The following HS3ST3B1 variants were observed in gnomAD, a reference collection of about 807,000 sequenced individuals.
The protein encoded by HS3ST3B1 is heparan sulfate glucosamine 3-O-sulfotransferase 3B1.
A neutral mutation model predicts 21.3 loss-of-function variants in HS3ST3B1; 13 were observed. That is an observed-to-expected ratio of 0.61 (90% CI 0.40 to 0.97). HS3ST3B1 has a LOEUF of 0.97. Among genes scored for constraint, HS3ST3B1 ranks in the 50% least tolerant of loss-of-function variants. HS3ST3B1 has a pLI of 0.00. For synonymous variants in HS3ST3B1, 234 were observed against 254.8 expected (o/e 0.92, Z 0.78); for missense variants, 459 against 554.8 (o/e 0.83, Z 1.73).
chr17:14,326,019 G>A (rs1364121068), intron 1 of HS3ST3B1, among the ~76,000 whole-genome samples: 1 of 152,112 alleles, frequency 6.6e-6, no homozygotes, highest in African/African-American at 2.4e-5. Flanking sequence ...GTGTGTGTGT[G>A]TACGTGTGTG....
chr17:14,323,997 T>C (rs1049943930), intron 1 of HS3ST3B1, among the ~76,000 whole-genome samples: 2 of 152,098 alleles, frequency 1.3e-5, no homozygotes, highest in Non-Finnish European at 2.9e-5. Context: ...CCGCTGAGCT[T>C]TTCAGAGAGA....
At chr17:14,343,185 T>A (rs1043404569) in intron 1 of HS3ST3B1, among the ~76,000 whole-genome samples, 3 of 150,450 alleles carry the variant, frequency 2.0e-5, no homozygotes, top group Non-Finnish European at 4.4e-5. Context: ...GAGGTTGCAG[T>A]GAGCCGAGAT....
At chr17:14,333,283 TG>T (rs1910078246) in intron 1 of HS3ST3B1, among the ~76,000 whole-genome samples, 1 of 151,836 alleles carries the variant, frequency 6.6e-6, no homozygotes, top group Non-Finnish European at 1.5e-5. Context: ...CTGGCCAATA[TG>T]GTGAAACCCC....
Position 14,334,021 on chromosome 17 carries a change from A to G in HS3ST3B1, c.555-11007A>G, listed in dbSNP as rs375168740. On this transcript the variant is annotated intron_variant, in intron 1 of 1. Transcript: ENST00000360954. ...GGTGATCCACCCGCCTCAGCCTCCC[A>G]AAGTGTTGGGATTACAGGCGTGAGC... Among the ~76,000 whole-genome samples the G allele has an allele frequency of 3.7e-3, 564 of 152,318 alleles. 2 individuals carry two copies. The highest frequency in any genetic ancestry group is 0.013 in the African/African-American group (539 of 41,584).
At chr17:14,326,020 TAC>T (rs1909803865) in intron 1 of HS3ST3B1, among the ~76,000 whole-genome samples, 3 of 152,130 alleles carry the variant, frequency 2.0e-5, no homozygotes, top group African/African-American at 4.8e-5. Flanking sequence ...TGTGTGTGTG[TAC>T]GTGTGTGTGT....
intron 1 of HS3ST3B1, among the ~76,000 whole-genome samples, chr17:14,342,890 T>A (rs7220003): frequency 1.8e-3 from 270 of 152,252 alleles, no homozygotes; most frequent in Non-Finnish European, 3.2e-3. Flanking sequence ...ATGTGATAAA[T>A]AATTGTGCAT....
chr17:14,331,657 T>C (rs1363373144), intron 1 of HS3ST3B1, among the ~76,000 whole-genome samples: 1 of 152,174 alleles, frequency 6.6e-6, no homozygotes, highest in African/African-American at 2.4e-5. Context: ...AGTAAACTTT[T>C]AATGAATAAT....
chr17:14,331,542 A>G (rs1456171813), intron 1 of HS3ST3B1, among the ~76,000 whole-genome samples: 1 of 152,044 alleles, frequency 6.6e-6, no homozygotes, highest in African/African-American at 2.4e-5. Flanking sequence ...GAGAAAGGAG[A>G]GAGGGCCTGG....
intron 1 of HS3ST3B1, among the ~76,000 whole-genome samples, chr17:14,312,152 C>T (rs932808005): frequency 1.3e-5 from 2 of 152,040 alleles, no homozygotes; most frequent in Admixed American, 6.5e-5. Context: ...TGTGTGCAGG[C>T]GAGTGGGCCA....
rs950587492 is a variant in HS3ST3B1 at position 14,349,108 on chromosome 17, C to G, written c.*3462C>G. The stretch of plus-strand genomic sequence containing the variant: ...AAGCTAATGTGACTTTTCAGCTTAT[C>G]AAGAGGATGGCCAATAAAACTTAAA... On this transcript the variant is annotated 3_prime_UTR_variant, in exon 2 of 2. Transcript: ENST00000360954. The G allele has an allele frequency of 5.3e-5, 8 of 152,274 alleles. 1 individual carries two copies. The South Asian group carries it at 1.5e-3, about 28-fold the overall frequency. 9.4% of individuals were successfully genotyped at this position (152,274 alleles called of 1,614,324 possible). A position where few individuals can be genotyped will look rare whatever the true frequency, so the allele number is the denominator to read the frequency against.
Position 14,301,708 on chromosome 17 carries a change from C to T in HS3ST3B1, c.190C>T (p.Leu64=), listed in dbSNP as rs1251216892. 6.2e-7 allele frequency: 1 copy of T among 1,603,366 alleles called. No individual in the cohort carries two copies. The highest frequency in any genetic ancestry group is 2.3e-5 in the East Asian group (1 of 44,188). ...CGCCGCCGCGCCGGGGCTGCTGCTC[C>T]TGGGCTCTGGGTCCCGCGCCGCACA... The part of the protein sequence containing the change: ...SCAAAPGLLL[L]GSGSRAAHDP... Residue 64 remains leucine (L), a synonymous_variant, in exon 1 of 2, where the codon CTG becomes TTG. Coordinates refer to ENST00000360954, the MANE Select transcript of HS3ST3B1 (RefSeq NM_006041.3).
intron 1 of HS3ST3B1, among the ~76,000 whole-genome samples, chr17:14,342,541 A>G (rs577020471): frequency 6.6e-6 from 1 of 151,572 alleles, no homozygotes; most frequent in East Asian, 1.9e-4. Context: ...GCAACTTAAT[A>G]ATGATAATAA....
At chr17:14,329,367 A>AAGAAAGAAAGAAAGAAAAGGAAGGAAGG (rs1555549453) in intron 1 of HS3ST3B1, 7 of 106,188 alleles carry the variant, frequency 6.6e-5, no homozygotes, top group African/African-American at 2.6e-4. Context: ...GAAAGAAAGA[A>AAGAAAGAAAGAAAGAAAAGGAAGGAAGG]AAGGAAGGAA....
intron 1 of HS3ST3B1, among the ~76,000 whole-genome samples, chr17:14,311,151 C>T (rs1363469050): frequency 6.6e-6 from 1 of 151,228 alleles, no homozygotes; most frequent in Non-Finnish European, 1.5e-5. Flanking sequence ...GTGGCACAAC[C>T]TCTACCTCCT....
chr17:14,337,548 G>T (rs1910225284), intron 1 of HS3ST3B1, among the ~76,000 whole-genome samples: 7 of 150,338 alleles, frequency 4.7e-5, no homozygotes, highest in African/African-American at 1.7e-4. Flanking sequence ...ATGTTGGCCA[G>T]GCTGGTCTTG....
At chr17:14,334,993 CTCTT>C (rs1483321065) in intron 1 of HS3ST3B1, among the ~76,000 whole-genome samples, 2 of 152,054 alleles carry the variant, frequency 1.3e-5, no homozygotes, top group African/African-American at 4.8e-5. Flanking sequence ...GTAAAGATTT[CTCTT>C]TGTCACATTT....
chr17:14,349,359 A>G lies in HS3ST3B1; in HGVS notation c.*3713A>G, dbSNP rs1158954497. 1 of 152,242 alleles carries G rather than the reference A, an allele frequency of 6.6e-6. No individual in the cohort carries two copies. The highest frequency in any genetic ancestry group is 1.5e-5 in the Non-Finnish European group (1 of 68,036). The allele number at this position is 152,242 out of a possible 1,614,324, so 9.4% of individuals were successfully genotyped here. A position where few individuals can be genotyped will look rare whatever the true frequency, so the allele number is the denominator to read the frequency against. On this transcript the variant is annotated 3_prime_UTR_variant, in exon 2 of 2. Coordinates refer to ENST00000360954, the MANE Select transcript of HS3ST3B1 (RefSeq NM_006041.3). ...TTTCTAGGCAAGTGAAATTCTGGTA[A>G]TTCATACTATTTCTTTGTATGAACA... is the stretch of plus-strand genomic sequence containing the variant.
Position 14,301,560 on chromosome 17 carries a change from C to G in HS3ST3B1, c.42C>G (p.Val14=). The change falls in exon 1 of 2, where the codon GTC becomes GTG. Residue 14 remains valine, a synonymous_variant. Transcript: ENST00000360954. ...RLSGGRSCLD[V]PGRLLPQPPP... The stretch of plus-strand genomic sequence containing the variant: ...GTGGCGGCAGATCTTGCCTCGATGT[C>G]CCCGGCCGGCTCCTACCGCAGCCGC... 2 of 1,590,376 alleles carry G rather than the reference C, an allele frequency of 1.3e-6. No homozygotes were observed. Among genetic ancestry groups the G allele is most frequent in the Non-Finnish European group, 8.5e-7 (1 of 1,175,456 alleles).
rs909717053 is a variant in HS3ST3B1, at chr17:14,345,847, G to A, written c.*201G>A. On this transcript the variant is annotated 3_prime_UTR_variant, in exon 2 of 2. Transcript: ENST00000360954. ...CCAAAGTGTTTAACTCTAGTATTTCGTTCTCTTCTTCACAATTGATGGTGC... is the reference window on the plus strand; with the variant it reads ...CCAAAGTGTTTAACTCTAGTATTTCATTCTCTTCTTCACAATTGATGGTGC... 9.2e-6 allele frequency: 6 copies of A among 651,324 alleles called. No individual in the cohort carries two copies. Among genetic ancestry groups the A allele is most frequent in the Middle Eastern group, 4.4e-4 (1 of 2,264 alleles). The allele number at this position is 651,324 out of a possible 1,614,324, so 40.3% of individuals were successfully genotyped here.
Sources: gnomAD v4.1 joint callset for allele counts (sites outside exome capture counted in the v4.1 genomes callset) on GRCh38, gnomAD v4.1.1 for gene constraint, MANE v1.5 for transcripts, NCBI Gene and HGNC (gene_info 2026-07-23, HGNC 2026-07-21) for gene names.